GALNT5: variants seen among roughly 807,000 people sequenced by gnomAD.
GALNT5 encodes UDP-GalNAc:polypeptide N-acetylgalactosaminyltransferase 5.
GALNT5 carries 72 observed loss-of-function variants against 85.4 expected under a neutral mutation model. The ratio of observed to expected loss-of-function variants is 0.84; its 90% CI spans 0.70 to 1.03. GALNT5 has a LOEUF of 1.03. Among genes scored for constraint, GALNT5 ranks in the 50% least tolerant of loss-of-function variants. The pLI, the probability that GALNT5 is intolerant of heterozygous loss-of-function variation, is 0.00. For missense variants in GALNT5, 1,137 were observed against 1,135.5 expected, an observed-to-expected ratio of 1.00 and a Z score of -0.02; for synonymous variants, 404 against 397.0, an observed-to-expected ratio of 1.02 and a Z score of -0.21.
intron 1 of GALNT5, among the ~76,000 whole-genome samples, chr2:157,271,172 C>T (rs933014742): frequency 6.6e-5 from 10 of 151,580 alleles, no homozygotes; most frequent in African/African-American, 2.4e-4. Context: ...AAGATAGGAA[C>T]TAAAGGAATA....
intron 1 of GALNT5, among the ~76,000 whole-genome samples, chr2:157,274,250 T>C (rs143770528): frequency 2.0e-5 from 3 of 152,348 alleles, no homozygotes; most frequent in African/African-American, 7.2e-5. Flanking sequence ...GTTCCAAGTC[T>C]TTACAATCAT....
chr2:157,290,426 T>G (rs1683075640), intron 3 of GALNT5, among the ~76,000 whole-genome samples: 1 of 151,976 alleles, frequency 6.6e-6, no homozygotes, highest in Non-Finnish European at 1.5e-5. Flanking sequence ...GCAGGATCAG[T>G]TTTAGCAGAG....
intron 7 of GALNT5, chr2:157,301,388 T>C (rs1683339972): frequency 8.7e-6 from 2 of 229,648 alleles, no homozygotes; most frequent in Non-Finnish European, 1.7e-5. Flanking sequence ...CAGGCCACAG[T>C]TGATGACTCC....
intron 3 of GALNT5, among the ~76,000 whole-genome samples, chr2:157,287,657 G>T (rs1683009788): frequency 6.6e-6 from 1 of 152,002 alleles, no homozygotes; most frequent in Non-Finnish European, 1.5e-5. Flanking sequence ...TTCTTCCTAT[G>T]GTTCTTTCTG....
chr2:157,299,491 C>G, intron 5 of GALNT5, 57 bp from the exon 6 acceptor site: 1 of 1,012,040 alleles, frequency 9.9e-7, no homozygotes, highest in Non-Finnish European at 1.6e-6. Flanking sequence ...AGGAACAACT[C>G]TAAAAGTCGA....
chr2:157,286,305 G>A (rs539105104), intron 3 of GALNT5, among the ~76,000 whole-genome samples, 171 bp downstream of exon 3: 1 of 152,088 alleles, frequency 6.6e-6, no homozygotes, highest in East Asian at 1.9e-4. Flanking sequence ...AACACACATA[G>A]ACACCTATTG....
intron 3 of GALNT5, among the ~76,000 whole-genome samples, chr2:157,294,358 A>T (rs1228811919): frequency 6.6e-6 from 1 of 152,156 alleles, no homozygotes; most frequent in African/African-American, 2.4e-5. Context: ...CCCAGCACAA[A>T]AGGCTCCTTC....
intron 9 of GALNT5, among the ~76,000 whole-genome samples, chr2:157,310,330 T>G (rs1352010794): frequency 6.6e-6 from 1 of 152,192 alleles, no homozygotes; most frequent in Non-Finnish European, 1.5e-5. Context: ...GTTTTCATGC[T>G]ATTGCTACTA....
At chr2:157,293,220 A>C (rs1392956736) in intron 3 of GALNT5, among the ~76,000 whole-genome samples, 2 of 152,230 alleles carry the variant, frequency 1.3e-5, no homozygotes, top group Admixed American at 1.3e-4. Context: ...GCATATATTT[A>C]TTGATCACAG....
intron 1 of GALNT5, among the ~76,000 whole-genome samples, chr2:157,260,366 T>A (rs1682310119): frequency 6.6e-6 from 1 of 152,266 alleles, no homozygotes; most frequent in Non-Finnish European, 1.5e-5. Context: ...GTTCTAAAGC[T>A]GCCCAATGGG....
At chr2:157,279,417 G>A (rs1682809501) in intron 1 of GALNT5, among the ~76,000 whole-genome samples, 1 of 152,226 alleles carries the variant, frequency 6.6e-6, no homozygotes, top group South Asian at 2.1e-4. Flanking sequence ...GTTCAGCTAT[G>A]CCCTACTCAC....
intron 1 of GALNT5, among the ~76,000 whole-genome samples, chr2:157,278,794 G>A (rs1324262000): frequency 6.6e-6 from 1 of 152,044 alleles, no homozygotes; most frequent in African/African-American, 2.4e-5. Context: ...TGTTATTACC[G>A]ACCTTCTGAA....
chr2:157,286,091 T>C lies in GALNT5; in HGVS notation c.1698T>C (p.His566=), dbSNP rs377179656. ...KVRILRLKER[H]GLIRARLAGA... Reference sequence around the variant, plus strand: ...GGATTCTTCGCCTCAAAGAGAGACATGGCTTAATAAGGGCCAGGCTGGCAG... The same window carrying C: ...GGATTCTTCGCCTCAAAGAGAGACACGGCTTAATAAGGGCCAGGCTGGCAG... The change falls in exon 3 of 10, where the codon CAT becomes CAC. Residue 566 remains histidine (H), a synonymous_variant. Coordinates refer to ENST00000259056, the MANE Select transcript of GALNT5 (RefSeq NM_014568.3). The C allele has an allele frequency of 6.8e-6, 11 of 1,612,976 alleles. No individual in the cohort carries two copies. The highest frequency in any genetic ancestry group is 9.3e-6 in the Non-Finnish European group (11 of 1,178,940).
intron 7 of GALNT5, among the ~76,000 whole-genome samples, chr2:157,301,233 G>C (rs11899055): frequency 0.11 from 16,699 of 152,204 alleles, 2,564 homozygotes; most frequent in African/African-American, 0.35. Context: ...AGATCTGGGA[G>C]TATTTCAGAC....
chr2:157,288,865 C>T lies in GALNT5; in HGVS notation c.1741+2731C>T, dbSNP rs77751371. 6.7e-3 allele frequency among the ~76,000 whole-genome samples: 1,015 copies of T among 152,152 alleles called. 9 individuals are homozygous for T. Among genetic ancestry groups the T allele is most frequent in the African/African-American group, 0.024 (976 of 41,494 alleles). On this transcript the variant is annotated intron_variant, in intron 3 of 9. Coordinates refer to ENST00000259056, the MANE Select transcript of GALNT5 (RefSeq NM_014568.3). ...CAGGGTAAATGGGAGAAATGGTCAG[C>T]TTCATCATAGATTGTGCACATGGAA...
Position 157,257,912 on chromosome 2 carries a change from C to T in GALNT5, c.-171C>T, listed in dbSNP as rs1017633434. ...TGCCACGCAGGCAGAGACTGACAAGCGGTAGGAACTGAGCTTTCCCCTTGG... is the reference window on the plus strand; with the variant it reads ...TGCCACGCAGGCAGAGACTGACAAGTGGTAGGAACTGAGCTTTCCCCTTGG... On this transcript the variant is annotated 5_prime_UTR_variant, in exon 1 of 10. Coordinates refer to ENST00000259056, the MANE Select transcript of GALNT5 (RefSeq NM_014568.3). The T allele has an allele frequency of 6.1e-6, 4 of 659,944 alleles. No homozygotes were observed. The highest frequency in any genetic ancestry group is 1.8e-5 in the African/African-American group (1 of 56,190). The allele number at this position is 659,944 out of a possible 1,614,324, so 40.9% of individuals were successfully genotyped here.
chr2:157,275,216 G>C lies in GALNT5; in HGVS notation c.1455-9066G>C, dbSNP rs143817552. On this transcript the variant is annotated intron_variant, in intron 1 of 9. Coordinates refer to ENST00000259056, the MANE Select transcript of GALNT5 (RefSeq NM_014568.3). The stretch of plus-strand genomic sequence containing the variant: ...TCTGTTTTGGTACCAGTACCATGCT[G>C]TTTTGGTTACTGCGGCCTTGTAGTA... 4.6e-3 allele frequency among the ~76,000 whole-genome samples: 703 copies of C among 152,312 alleles called. 6 individuals carry two copies. The highest frequency in any genetic ancestry group is 0.016 in the African/African-American group (660 of 41,562).
intron 5 of GALNT5, among the ~76,000 whole-genome samples, chr2:157,296,997 G>A (rs1258436078): frequency 1.3e-5 from 2 of 152,190 alleles, no homozygotes; most frequent in South Asian, 2.1e-4. Flanking sequence ...AGCTGGATAT[G>A]AATTCAAGTT....
At position 157,258,679 on chromosome 2, in the gene GALNT5, G is replaced by A. The variant is rs769342812; in HGVS notation, c.597G>A (p.Lys199=). ...TCAGTTTAAAACAGGAGCCCCGGAA[G>A]AGTCATAGTCCCAGCAGTGACACAT... ...GRVSLKQEPR[K]SHSPSSDTSK... is the part of the protein sequence containing the mutation. Residue 199 remains lysine, a synonymous_variant, in exon 1 of 10, where the codon AAG becomes AAA. Coordinates refer to ENST00000259056, the MANE Select transcript of GALNT5 (RefSeq NM_014568.3). 16 of 1,613,818 alleles carry A rather than the reference G, an allele frequency of 9.9e-6. No homozygotes were observed. In the Admixed American group the frequency reaches 2.0e-4, roughly 20 times the overall value.
Sources: gnomAD v4.1 joint callset for allele counts (sites outside exome capture counted in the v4.1 genomes callset) on GRCh38, gnomAD v4.1.1 for gene constraint, MANE v1.5 for transcripts, NCBI Gene and HGNC (gene_info 2026-07-23, HGNC 2026-07-21) for gene names.